CAPN6: variants seen among roughly 807,000 people sequenced by gnomAD.
CAPN6 encodes the protein calpain-6.
In CAPN6, 16 loss-of-function variants were observed where a neutral mutation model predicts 46.0. The observed-to-expected ratio is 0.35, with a 90% CI of 0.24 to 0.53. The LOEUF (loss-of-function observed/expected upper bound fraction) is 0.53. CAPN6 is among the 20% of genes least tolerant of loss of function. The pLI, the probability that CAPN6 is intolerant of heterozygous loss-of-function variation, is 0.94. For missense variants in CAPN6, 461 were observed against 498.0 expected (o/e 0.93, Z 0.71); for synonymous variants, 206 against 172.8 (o/e 1.19, Z -1.51).
At chrX:111,252,757 C>T (rs1428890763) in intron 4 of CAPN6, among the ~76,000 whole-genome samples, 2 of 111,980 alleles carry the variant, frequency 1.8e-5, no homozygotes, top group Non-Finnish European at 3.8e-5. Flanking sequence ...GCCATGTGAT[C>T]TGCAGATAGC....
intron 8 of CAPN6, among the ~76,000 whole-genome samples, chrX:111,250,531 C>T (rs1416401823): frequency 1.8e-5 from 2 of 110,459 alleles, no homozygotes; most frequent in Non-Finnish European, 3.8e-5. Context: ...AAATGTGCAC[C>T]CCAGAGAACA....
rs192408430 is a variant in CAPN6, at chrX:111,253,216, T to C, written c.298A>G (p.Thr100Ala). ...TCCTGTTCCTTATGGTTGGGAATTG[T>C]CTAGAAATGCAAGAACATTTAATCA... is the stretch of plus-strand genomic sequence containing the variant. Reference protein sequence around the residue: ...LAVQESHWTKTIPNHKEQEWD... With the variant: ...LAVQESHWTKAIPNHKEQEWD... The change falls in exon 4 of 13, where the codon ACA becomes GCA. Residue 100 changes from threonine (T) to alanine (A), a missense_variant and splice_region_variant. Transcript: ENST00000324068. 34 of 1,181,219 alleles carry C rather than the reference T, an allele frequency of 2.9e-5. No homozygotes were observed. The Admixed American group carries it at 3.5e-4, about 12-fold the overall frequency.
At chrX:111,249,393 AATGCCAT>A (rs1195419627) in intron 8 of CAPN6, among the ~76,000 whole-genome samples, 4 of 110,726 alleles carry the variant, frequency 3.6e-5, no homozygotes, top group Non-Finnish European at 7.5e-5. Context: ...TTTGTATTTA[AATGCCAT>A]ATATAGAAAA....
At chrX:111,248,028 A>G (rs1031660858) in intron 10 of CAPN6, 36 bp from the exon 11 acceptor site, 2 of 1,178,887 alleles carry the variant, frequency 1.7e-6, no homozygotes, top group Middle Eastern at 4.7e-4. Flanking sequence ...TCATCATATG[A>G]TAAATATCCT....
In CAPN6 at chrX:111,253,362, T is replaced by C. The variant is rs1016626511; in HGVS notation, c.298-146A>G. 2.2e-4 allele frequency: 105 copies of C among 486,988 alleles called. 1 individual carries two copies. In the South Asian group the frequency reaches 2.6e-3, roughly 12 times the overall value. The allele number at this position is 486,988 out of a possible 1,213,427, so 40.1% of individuals were successfully genotyped here. A position where few individuals can be genotyped will look rare whatever the true frequency, so the allele number is the denominator to read the frequency against. On this transcript the variant is annotated intron_variant, in intron 3 of 12. Transcript: ENST00000324068. ...TGAGTCTGGATTGGAAATTCCTAGA[T>C]ATGGCATTTTGCCCACAACTTCTGC...
At chrX:111,266,960 G>A (rs769721874) in intron 1 of CAPN6, among the ~76,000 whole-genome samples, 4 of 112,202 alleles carry the variant, frequency 3.6e-5, no homozygotes, top group East Asian at 2.8e-4. Flanking sequence ...TTACATCGGC[G>A]GGTTCATCAT....
chrX:111,254,500 A>G lies in CAPN6; in HGVS notation c.166-97T>C, dbSNP rs962057862. On this transcript the variant is annotated intron_variant, in intron 2 of 12. Transcript: ENST00000324068. ...GCAGGACAGCCTTCATAGAGGAGAT[A>G]AGGTTAGGGTTGAAAAATAAGTAGG... The G allele has an allele frequency of 6.4e-6, 4 of 628,493 alleles. No homozygotes were observed. The African/African-American group carries it at 8.8e-5, about 14-fold the overall frequency. The allele number at this position is 628,493 out of a possible 1,213,427, so 51.8% of individuals were successfully genotyped here. A position where few individuals can be genotyped will look rare whatever the true frequency, so the allele number is the denominator to read the frequency against.
chrX:111,269,279 C>T (rs1400457416), intron 1 of CAPN6, among the ~76,000 whole-genome samples: 4 of 111,908 alleles, frequency 3.6e-5, no homozygotes, highest in Non-Finnish European at 5.6e-5. Context: ...CAGGCACACA[C>T]GTGCACATAA....
intron 2 of CAPN6, among the ~76,000 whole-genome samples, chrX:111,255,722 A>G (rs753883862): frequency 8.9e-6 from 1 of 111,810 alleles, no homozygotes; most frequent in East Asian, 2.8e-4. Flanking sequence ...TAAAAGCCAA[A>G]ATAACTCTGG....
At chrX:111,258,845 A>G (rs2094985789) in intron 2 of CAPN6, among the ~76,000 whole-genome samples, 1 of 112,296 alleles carries the variant, frequency 8.9e-6, no homozygotes, top group African/African-American at 3.2e-5. Flanking sequence ...ATATCTATGC[A>G]ACGGAATACT....
intron 2 of CAPN6, among the ~76,000 whole-genome samples, chrX:111,257,983 C>T (rs2094985174): frequency 9.0e-6 from 1 of 111,645 alleles, no homozygotes; most frequent in African/African-American, 3.3e-5. Context: ...CACTTCTGAG[C>T]CAAAACCTTC....
chrX:111,256,202 C>A (rs1357228120), intron 2 of CAPN6, among the ~76,000 whole-genome samples: 1 of 111,115 alleles, frequency 9.0e-6, no homozygotes, highest in African/African-American at 3.3e-5. Context: ...AGTTCAAGAC[C>A]AGCCTGGTCA....
chrX:111,248,965 G>A lies in CAPN6; in HGVS notation c.1251C>T (p.Asp417=), dbSNP rs775646239. Residue 417 remains aspartate (D), a synonymous_variant, in exon 9 of 13, where the codon GAC becomes GAT. Transcript: ENST00000324068. ...LRTYRRMGRP[D]NYIIGFELFK... ...AGAGCTCAAAGCCAATGATGTAATT[G>A]TCAGGTCTTCCCATTCGGCGGTAAG... is the stretch of plus-strand genomic sequence containing the variant. The A allele has an allele frequency of 1.7e-6, 2 of 1,211,449 alleles. No individual in the cohort carries two copies. The highest frequency in any genetic ancestry group is 3.5e-5 in the African/African-American group (2 of 57,729).
At chrX:111,265,702 T>C (rs746484442) in intron 1 of CAPN6, among the ~76,000 whole-genome samples, 47 of 111,916 alleles carry the variant, frequency 4.2e-4, no homozygotes, top group African/African-American at 1.5e-3. Flanking sequence ...TTTGGTGAAT[T>C]GCCAGAGCCT....
chrX:111,247,521 T>C lies in CAPN6; in HGVS notation c.1607-17A>G. ...GGTTTACAGCTGGAACAAAGTGACA[T>C]ATGTTTTTAACACAGCAATTAAAGT... On this transcript the variant is annotated splice_polypyrimidine_tract_variant and intron_variant, in intron 11 of 12. Coordinates refer to ENST00000324068, the MANE Select transcript of CAPN6 (RefSeq NM_014289.4). 1 of 1,192,852 alleles carries C rather than the reference T, an allele frequency of 8.4e-7. No homozygotes were observed. Among genetic ancestry groups the C allele is most frequent in the South Asian group, 1.9e-5 (1 of 52,957 alleles).
chrX:111,269,545 C>G (rs909563703), intron 1 of CAPN6, among the ~76,000 whole-genome samples: 1 of 111,850 alleles, frequency 8.9e-6, no homozygotes, highest in Non-Finnish European at 1.9e-5. Context: ...ACTTACAGTT[C>G]CAAATCCTCA....
At chrX:111,262,931 T>C (rs1343539285) in intron 2 of CAPN6, among the ~76,000 whole-genome samples, 1 of 112,098 alleles carries the variant, frequency 8.9e-6, no homozygotes, top group Non-Finnish European at 1.9e-5. Flanking sequence ...ACAGTGTCCA[T>C]AGAGCAGCAA....
At chrX:111,267,753 C>A (rs2094993027) in intron 1 of CAPN6, among the ~76,000 whole-genome samples, 1 of 111,643 alleles carries the variant, frequency 9.0e-6, no homozygotes, top group Non-Finnish European at 1.9e-5. Flanking sequence ...GGCATTGTTC[C>A]TGCCTAGTTT....
At position 111,251,298 on chromosome X, in the gene CAPN6, T is replaced by C. The variant is rs1428783223; in HGVS notation, c.894-12A>G. The stretch of plus-strand genomic sequence containing the variant: ...GCCACTCTTCAGAACTGAAAGTAAA[T>C]AGAAAAAAAAAAAAAAGATAAATCA... On this transcript the variant is annotated splice_polypyrimidine_tract_variant and intron_variant, in intron 6 of 12. Transcript: ENST00000324068. 1 of 1,104,766 alleles carries C rather than the reference T, an allele frequency of 9.1e-7. No individual in the cohort carries two copies. Among genetic ancestry groups the C allele is most frequent in the Admixed American group, 2.9e-5 (1 of 34,384 alleles). The allele number at this position is 1,104,766 out of a possible 1,213,427, so 91.0% of individuals were successfully genotyped here.
Sources: allele counts gnomAD v4.1 joint callset (sites outside exome capture counted in the v4.1 genomes callset), GRCh38; gene constraint gnomAD v4.1.1; transcripts MANE v1.5; gene names NCBI Gene and HGNC (gene_info 2026-07-23, HGNC 2026-07-21).